Variants in RTN3 observed in about 807,000 individuals in gnomAD.
The protein encoded by RTN3 is reticulon-3.
RTN3 carries 49 observed loss-of-function variants against 77.8 expected under a neutral mutation model. The observed-to-expected ratio is 0.63, with a 90% CI of 0.50 to 0.80. RTN3 has a LOEUF of 0.80. RTN3 is among the 30% of genes least tolerant of loss of function. The pLI is 0.00. For synonymous variants in RTN3, 464 were observed against 446.9 expected, an observed-to-expected ratio of 1.04 and a Z score of -0.48; for missense variants, 1,236 against 1,211.9, an observed-to-expected ratio of 1.02 and a Z score of -0.29.
chr11:63,757,953 A>G (rs2014468982), intron 8 of RTN3, among the ~76,000 whole-genome samples: 1 of 150,988 alleles, frequency 6.6e-6, no homozygotes, highest in South Asian at 2.1e-4. Flanking sequence ...CTGGTCTTCA[A>G]CTCCTGACCT....
chr11:63,746,525 T>C (rs1437068416), intron 3 of RTN3, among the ~76,000 whole-genome samples: 1 of 152,106 alleles, frequency 6.6e-6, no homozygotes, highest in Non-Finnish European at 1.5e-5. Context: ...TTTTTGTTTT[T>C]TTTTTTTGAG....
intron 2 of RTN3, among the ~76,000 whole-genome samples, chr11:63,716,983 A>AAG (rs2011447381): frequency 6.7e-6 from 1 of 148,646 alleles, no homozygotes; most frequent in Non-Finnish European, 1.5e-5. Flanking sequence ...AAAAAACAAA[A>AAG]AAAAAAAAAA....
At chr11:63,685,101 A>G (rs955884793) in intron 1 of RTN3, among the ~76,000 whole-genome samples, 1 of 152,174 alleles carries the variant, frequency 6.6e-6, no homozygotes, top group Non-Finnish European at 1.5e-5. Context: ...GCAAATGTGC[A>G]TTCATATTGT....
At position 63,719,355 on chromosome 11, in the gene RTN3, G is replaced by C; in HGVS notation, c.853G>C (p.Glu285Gln). 1 of 1,614,116 alleles carries C rather than the reference G, an allele frequency of 6.2e-7. No individual in the cohort carries two copies. Among genetic ancestry groups the C allele is most frequent in the Non-Finnish European group, 8.5e-7 (1 of 1,180,020 alleles). ...WSVHTDKESS[E>Q]DISETNDKLF... ...TGTGCACACTGATAAAGAATCATCC[G>C]AAGACATTTCAGAGACTAATGACAA... The change falls in exon 3 of 9, where the codon GAA (glutamate) becomes CAA (glutamine). Residue 285 changes from glutamate to glutamine, a missense_variant. By Grantham distance (29) the Glu-to-Gln change is conservative (BLOSUM62 2). Coordinates refer to ENST00000377819, the MANE Select transcript of RTN3 (RefSeq NM_001265589.2).
In RTN3 at chr11:63,753,150, A is replaced by C. The variant is rs1277117745; in HGVS notation, c.2947+12A>C. 2.1e-5 allele frequency: 34 copies of C among 1,611,436 alleles called. No individual in the cohort carries two copies. The highest frequency in any genetic ancestry group is 2.9e-5 in the Non-Finnish European group (34 of 1,177,726). On this transcript the variant is annotated intron_variant, in intron 6 of 8. Transcript: ENST00000377819. The stretch of plus-strand genomic sequence containing the variant: ...CCTTCTAATTCTTGGTAAGGTGGCA[A>C]GGAGAATGTGCCCATGCTCTTTGAA...
At chr11:63,717,606 T>C (rs1210867625) in intron 2 of RTN3, among the ~76,000 whole-genome samples, 8 of 151,620 alleles carry the variant, frequency 5.3e-5, no homozygotes, top group Admixed American at 5.3e-4. Context: ...GTCAGGCTGG[T>C]CTCGAACTCC....
chr11:63,720,278 A>C lies in RTN3; in HGVS notation c.1776A>C (p.Leu592Phe). ...CSKVPDTNVS[L>F]EDVSEVAPEK... is the part of the protein sequence containing the mutation. Reference sequence around the variant, plus strand: ...AAGTACCCGATACGAATGTCTCCTTAGAAGATGTGAGTGAAGTTGCTCCTG... The same window carrying C: ...AAGTACCCGATACGAATGTCTCCTTCGAAGATGTGAGTGAAGTTGCTCCTG... The change falls in exon 3 of 9, where the codon TTA becomes TTC. Residue 592 changes from leucine (L) to phenylalanine (F), a missense_variant. By Grantham distance (22) the Leu-to-Phe change is conservative. Coordinates refer to ENST00000377819, the MANE Select transcript of RTN3 (RefSeq NM_001265589.2). 6 of 1,613,588 alleles carry C rather than the reference A, an allele frequency of 3.7e-6. No individual in the cohort carries two copies. Among genetic ancestry groups the C allele is most frequent in the Non-Finnish European group, 5.1e-6 (6 of 1,179,764 alleles).
In RTN3 at chr11:63,758,148, C is replaced by T; in HGVS notation, c.3054-8C>T. The T allele has an allele frequency of 6.4e-7, 1 of 1,569,602 alleles. No individual in the cohort carries two copies. The highest frequency in any genetic ancestry group is 8.6e-7 in the Non-Finnish European group (1 of 1,156,866). On this transcript the variant is annotated splice_region_variant and splice_polypyrimidine_tract_variant and intron_variant, in intron 8 of 8. Transcript: ENST00000377819. ...CTTTCTTTCTTTTTCCCCTCCTTTT[C>T]TCAATAGGATCCAAGCAAAACTCCC...
intron 3 of RTN3, among the ~76,000 whole-genome samples, chr11:63,746,256 A>G (rs1047733657): frequency 2.6e-4 from 40 of 152,166 alleles, no homozygotes; most frequent in African/African-American, 5.8e-4. Context: ...TTTTGAATGT[A>G]TAGAAGAATT....
intron 1 of RTN3, among the ~76,000 whole-genome samples, chr11:63,691,864 A>G (rs777385544): frequency 6.6e-6 from 1 of 152,174 alleles, no homozygotes; most frequent in Non-Finnish European, 1.5e-5. Context: ...TTTTCCACAC[A>G]GCAGCTGGTA....
chr11:63,711,715 C>T (rs2011164813), intron 2 of RTN3, among the ~76,000 whole-genome samples: 1 of 152,142 alleles, frequency 6.6e-6, no homozygotes, highest in East Asian at 1.9e-4. Context: ...CAGGCATGCA[C>T]CACTACTCCC....
intron 1 of RTN3, among the ~76,000 whole-genome samples, chr11:63,683,432 A>G (rs1195643018): frequency 6.6e-6 from 1 of 152,222 alleles, no homozygotes; most frequent in Non-Finnish European, 1.5e-5. Flanking sequence ...CCTAAGTTTT[A>G]GAAATTTGGC....
chr11:63,719,236 A>G lies in RTN3; in HGVS notation c.734A>G (p.Glu245Gly). 1.2e-6 allele frequency: 2 copies of G among 1,614,198 alleles called. No individual in the cohort carries two copies. The highest frequency in any genetic ancestry group is 1.7e-6 in the Non-Finnish European group (2 of 1,180,024). ...GDDVIEKDSP[E>G]SPFEVIIDKA... ...GATGTTATTGAAAAGGATTCCCCTG[A>G]ATCACCATTTGAAGTAATTATTGAC... Residue 245 changes from glutamate (E) to glycine (G), a missense_variant, in exon 3 of 9, where the codon GAA becomes GGA. Transcript: ENST00000377819.
At chr11:63,714,713 A>C (rs1381307896) in intron 2 of RTN3, among the ~76,000 whole-genome samples, 1 of 151,678 alleles carries the variant, frequency 6.6e-6, no homozygotes, top group East Asian at 1.9e-4. Flanking sequence ...GGATCTCAGC[A>C]TGTTGCCCAG....
At chr11:63,682,722 A>G (rs911989309) in intron 1 of RTN3, among the ~76,000 whole-genome samples, 12 of 152,294 alleles carry the variant, frequency 7.9e-5, no homozygotes, top group African/African-American at 2.9e-4. Context: ...GTGAAAGACT[A>G]AGAACGAAGC....
chr11:63,693,777 C>T (rs778404268), intron 1 of RTN3, among the ~76,000 whole-genome samples: 1 of 152,096 alleles, frequency 6.6e-6, no homozygotes, highest in Non-Finnish European at 1.5e-5. Flanking sequence ...CAACTTTAAT[C>T]CAGAAAAACA....
chr11:63,704,744 C>G, intron 1 of RTN3, 107 bp from the exon 2 acceptor site: 1 of 778,656 alleles, frequency 1.3e-6, no homozygotes, highest in Non-Finnish European at 2.2e-6. Flanking sequence ...CCTTGTTAAA[C>G]CCAATGAAAT....
chr11:63,707,131 T>G (rs1385048064), intron 2 of RTN3, among the ~76,000 whole-genome samples: 1 of 152,116 alleles, frequency 6.6e-6, no homozygotes, highest in East Asian at 1.9e-4. Context: ...ACTCCTAAAC[T>G]CAAGTGATTC....
chr11:63,701,442 T>G (rs1565307921), intron 1 of RTN3, among the ~76,000 whole-genome samples: 1 of 152,184 alleles, frequency 6.6e-6, no homozygotes, highest in East Asian at 1.9e-4. Flanking sequence ...TTAAATCATC[T>G]ACATAAAGTA....
Sources: gnomAD v4.1 joint callset for allele counts (sites outside exome capture counted in the v4.1 genomes callset) on GRCh38, gnomAD v4.1.1 for gene constraint, MANE v1.5 for transcripts, NCBI Gene and HGNC (gene_info 2026-07-23, HGNC 2026-07-21) for gene names.